The following ABCG8 variants were observed in gnomAD, a reference collection of about 807,000 sequenced individuals.
ABCG8 encodes the protein ATP-binding cassette sub-family G member 8.
In ABCG8, 81 loss-of-function variants were observed where a neutral mutation model predicts 71.3. That is an observed-to-expected ratio of 1.14 (90% CI 0.95 to 1.37). The LOEUF (loss-of-function observed/expected upper bound fraction) is 1.37. Ranked by LOEUF, ABCG8 falls within the 40% of genes most tolerant of loss-of-function variation. The pLI is 0.00. For missense variants in ABCG8, 1,119 were observed against 866.2 expected (o/e 1.29, Z -3.66); for synonymous variants, 451 against 354.7 (o/e 1.27, Z -3.05).
chr2:43,875,004 G>C, intron 10 of ABCG8, 142 bp from the exon 11 acceptor site: 1 of 1,193,818 alleles, frequency 8.4e-7, no homozygotes. Flanking sequence ...CATGCTCCTG[G>C]GTCCCAGCAC....
rs1174505174 is a variant in ABCG8 at position 43,879,657 on chromosome 2, C to T, written c.*1744C>T. On this transcript the variant is annotated 3_prime_UTR_variant, in exon 13 of 13. Coordinates refer to ENST00000272286, the MANE Select transcript of ABCG8 (RefSeq NM_022437.3). ...AAGGGGATCTAGACCAGAATCAAGC[C>T]TTGGATCTAGTTCTCAAGTCTCTTT... The T allele has an allele frequency of 1.3e-5, 2 of 152,322 alleles. No individual in the cohort carries two copies. The highest frequency in any genetic ancestry group is 2.9e-5 in the Non-Finnish European group (2 of 68,030). The allele number at this position is 152,322 out of a possible 1,614,324, so 9.4% of individuals were successfully genotyped here.
In ABCG8 at chr2:43,872,138, G is replaced by C. The variant is rs757910244; in HGVS notation, c.1127G>C (p.Ser376Thr). Residue 376 changes from serine (S) to threonine (T), a missense_variant and splice_region_variant, in exon 7 of 13, where the codon AGC (serine) becomes ACC (threonine). Transcript: ENST00000272286. The part of the protein sequence containing the change: ...KDLDEDTCVE[S>T]SVTPLDTNCL... Reference sequence around the variant, plus strand: ...CTTGACGAGGACACCTGTGTGGAAAGGTAAGGTGGCAGGCGACTCTGAGAG... The same window carrying C: ...CTTGACGAGGACACCTGTGTGGAAACGTAAGGTGGCAGGCGACTCTGAGAG... 1.6e-5 allele frequency: 26 copies of C among 1,614,096 alleles called. No individual in the cohort carries two copies. Among genetic ancestry groups the C allele is most frequent in the Non-Finnish European group, 2.2e-5 (26 of 1,180,044 alleles).
At chr2:43,844,373 C>T in intron 1 of ABCG8, 134 bp from the exon 2 acceptor site, 1 of 720,608 alleles carries the variant, frequency 1.4e-6, no homozygotes, top group Admixed American at 2.0e-5. Flanking sequence ...CCTGTGCAAT[C>T]CCATCTGTTG....
chr2:43,872,885 G>C (rs1241617666), intron 8 of ABCG8, among the ~76,000 whole-genome samples: 15 of 152,202 alleles, frequency 9.9e-5, no homozygotes, highest in African/African-American at 3.6e-4. Context: ...CTGGTTAAAA[G>C]GGAAGTCGTG....
intron 2 of ABCG8, 128 bp downstream of exon 2, chr2:43,844,736 T>C (rs907082670): frequency 1.3e-5 from 9 of 712,078 alleles, no homozygotes; most frequent in African/African-American, 1.0e-4. Flanking sequence ...CCAGTCCACA[T>C]TGATGCCTCA....
Position 43,875,277 on chromosome 2 carries a change from C to T in ABCG8, c.1620C>T (p.Phe540=), listed in dbSNP as rs777846971. Residue 540 remains phenylalanine, a synonymous_variant, in exon 11 of 13, where the codon TTC becomes TTT. Transcript: ENST00000272286. The stretch of plus-strand genomic sequence containing the variant: ...TCCTGCTGGTGTGGCTGGTGGTCTT[C>T]TGTTGCAGGATTATGGCCCTGGCCG... ...LHFLLVWLVV[F]CCRIMALAAA... The T allele has an allele frequency of 1.2e-6, 2 of 1,614,184 alleles. No homozygotes were observed. Among genetic ancestry groups the T allele is most frequent in the African/African-American group, 1.3e-5 (1 of 75,060 alleles).
At chr2:43,854,041 G>A (rs72796754) in intron 6 of ABCG8, among the ~76,000 whole-genome samples, 8,227 of 152,322 alleles carry the variant, frequency 0.054, 274 homozygotes, top group Middle Eastern at 0.11. Flanking sequence ...GGCACCTGCC[G>A]ACCTGGCCAT....
chr2:43,851,972 A>G (rs946711280), intron 4 of ABCG8, 150 bp downstream of exon 4: 3 of 881,252 alleles, frequency 3.4e-6, no homozygotes, highest in African/African-American at 1.6e-5. Flanking sequence ...GCTGCAGCCC[A>G]CCCTCCACCC....
In ABCG8 at chr2:43,881,103, T is replaced by TGATTGACAGCCACTAA. The variant is rs1670119859; in HGVS notation, c.*3194_*3209dup. The TGATTGACAGCCACTAA allele has an allele frequency of 6.6e-6, 1 of 152,300 alleles. No homozygotes were observed. The allele number at this position is 152,300 out of a possible 1,614,324, so 9.4% of individuals were successfully genotyped here. On this transcript the variant is annotated 3_prime_UTR_variant, in exon 13 of 13. Transcript: ENST00000272286. ...CTCCCCAGGTAATTCTAATGTGCAG[T>TGATTGACAGCCACTAA]GATTGACAGCCACTAAGATACATCA...
At chr2:43,846,687 T>G (rs1183231810) in intron 3 of ABCG8, 3 of 334,256 alleles carry the variant, frequency 9.0e-6, no homozygotes, top group African/African-American at 6.4e-5. Context: ...AATCACATTC[T>G]GATTATGGCC....
At position 43,871,970 on chromosome 2, in the gene ABCG8, T is replaced by C; in HGVS notation, c.965-6T>C. 6.2e-7 allele frequency: 1 copy of C among 1,613,980 alleles called. No homozygotes were observed. The highest frequency in any genetic ancestry group is 1.1e-5 in the South Asian group (1 of 91,088). On this transcript the variant is annotated splice_polypyrimidine_tract_variant and splice_region_variant and intron_variant, in intron 6 of 12. Coordinates refer to ENST00000272286, the MANE Select transcript of ABCG8 (RefSeq NM_022437.3). Reference sequence around the variant, plus strand: ...CCACCTGTGACTCCACATCCCCTGCTTGCAGTGGACCTGACCAGCATTGAC... The same window carrying C: ...CCACCTGTGACTCCACATCCCCTGCCTGCAGTGGACCTGACCAGCATTGAC...
chr2:43,877,243 G>A (rs915573065), intron 11 of ABCG8, among the ~76,000 whole-genome samples: 1 of 149,260 alleles, frequency 6.7e-6, no homozygotes, highest in Non-Finnish European at 1.5e-5. Context: ...TATGGGGGAG[G>A]CCGTGTCAAT....
rs750720850 is a variant in ABCG8 at position 43,852,415 on chromosome 2, T to C, written c.623T>C (p.Met208Thr). Residue 208 changes from methionine to threonine, a missense_variant, in exon 5 of 13, where the codon ATG (methionine) becomes ACG (threonine). By Grantham distance (81) the Met-to-Thr change is moderately conservative. Transcript: ENST00000272286. ...TGCGCTGACACCCGCGTGGGCAACA[T>C]GTACGTGCGGGGGTTGTCGGGGGGT... is the stretch of plus-strand genomic sequence containing the variant. ...RQCADTRVGN[M>T]YVRGLSGGER... 1 of 1,612,556 alleles carries C rather than the reference T, an allele frequency of 6.2e-7. No homozygotes were observed. Among genetic ancestry groups the C allele is most frequent in the South Asian group, 1.1e-5 (1 of 90,996 alleles).
rs551706420 is a variant in ABCG8 at position 43,878,689 on chromosome 2, G to C, written c.*776G>C. Reference sequence around the variant, plus strand: ...GCTGTAAGCCTTAGGAGTTTAGGAAGGCTCCAGAAGACAAATGGGGTCTGT... The same window carrying C: ...GCTGTAAGCCTTAGGAGTTTAGGAACGCTCCAGAAGACAAATGGGGTCTGT... On this transcript the variant is annotated 3_prime_UTR_variant, in exon 13 of 13. Coordinates refer to ENST00000272286, the MANE Select transcript of ABCG8 (RefSeq NM_022437.3). 2 of 153,314 alleles carry C rather than the reference G, an allele frequency of 1.3e-5. No homozygotes were observed. The highest frequency in any genetic ancestry group is 3.9e-4 in the East Asian group (2 of 5,188). 9.5% of individuals were successfully genotyped at this position (153,314 alleles called of 1,614,324 possible).
intron 1 of ABCG8, among the ~76,000 whole-genome samples, chr2:43,841,548 G>A (rs866531476): frequency 6.6e-6 from 1 of 152,192 alleles, no homozygotes; most frequent in Non-Finnish European, 1.5e-5. Flanking sequence ...ACCCAGGCAC[G>A]AATTTTCTTC....
chr2:43,852,150 C>G (rs74732112), intron 4 of ABCG8, among the ~76,000 whole-genome samples: 3 of 152,382 alleles, frequency 2.0e-5, no homozygotes. Context: ...CACAGGGCAC[C>G]ATGCCCAGCA....
intron 3 of ABCG8, among the ~76,000 whole-genome samples, chr2:43,850,922 A>G (rs920079146): frequency 6.6e-6 from 1 of 152,038 alleles, no homozygotes; most frequent in African/African-American, 2.4e-5. Flanking sequence ...AAAAAAAAAA[A>G]AAAAGAAAAA....
chr2:43,865,389 G>C (rs1192176291), intron 6 of ABCG8, among the ~76,000 whole-genome samples: 1 of 147,946 alleles, frequency 6.8e-6, no homozygotes, highest in African/African-American at 2.5e-5. Context: ...TCTCACATCT[G>C]CATGGAACTC....
chr2:43,851,917 G>A (rs113814498), intron 4 of ABCG8, 95 bp downstream of exon 4: 36 of 1,407,090 alleles, frequency 2.6e-5, no homozygotes, highest in African/African-American at 1.8e-4. Context: ...GGACCCAGCC[G>A]CAGGTCGAGT....
Sources: allele counts gnomAD v4.1 joint callset (sites outside exome capture counted in the v4.1 genomes callset), GRCh38; gene constraint gnomAD v4.1.1; transcripts MANE v1.5; gene names NCBI Gene and HGNC (gene_info 2026-07-23, HGNC 2026-07-21).